VRK2: variants seen among roughly 807,000 people sequenced by gnomAD.
VRK2 encodes VRK serine/threonine kinase 2, also known as serine/threonine-protein kinase VRK2.
In VRK2, 60 loss-of-function variants were observed where a neutral mutation model predicts 57.6. That is an observed-to-expected ratio of 1.04 (90% confidence interval 0.85 to 1.29). The LOEUF (loss-of-function observed/expected upper bound fraction) is 1.29. Ranked by LOEUF, VRK2 falls within the 50% of genes most tolerant of loss-of-function variation. The pLI is 0.00. For synonymous variants in VRK2, 231 were observed against 199.2 expected, an observed-to-expected ratio of 1.16 and a Z score of -1.35; for missense variants, 705 against 588.1, an observed-to-expected ratio of 1.20 and a Z score of -2.06.
At chr2:58,003,928 T>G (rs992366941) in intron 1 of VRK2, among the ~76,000 whole-genome samples, 2 of 152,148 alleles carry the variant, frequency 1.3e-5, no homozygotes, top group Non-Finnish European at 2.9e-5. Flanking sequence ...TCCTATAGAT[T>G]GAATTCTTAG....
intron 1 of VRK2, among the ~76,000 whole-genome samples, chr2:57,977,310 G>C (rs1420328945): frequency 6.6e-6 from 1 of 152,128 alleles, no homozygotes; most frequent in African/African-American, 2.4e-5. Context: ...GCTTTGGGTA[G>C]TATGGCCATT....
chr2:57,960,195 C>G (rs1205183975), intron 1 of VRK2, among the ~76,000 whole-genome samples: 1 of 152,106 alleles, frequency 6.6e-6, no homozygotes, highest in African/African-American at 2.4e-5. Flanking sequence ...TCTCTAATAT[C>G]ATACAACCAA....
intron 8 of VRK2, among the ~76,000 whole-genome samples, chr2:58,131,360 A>C (rs1471484287): frequency 1.3e-5 from 2 of 151,276 alleles, no homozygotes; most frequent in African/African-American, 4.9e-5. Context: ...AAAGGCCATC[A>C]ATGTTTAGTC....
At chr2:58,032,774 G>A (rs953542567) in intron 2 of VRK2, among the ~76,000 whole-genome samples, 2 of 152,108 alleles carry the variant, frequency 1.3e-5, no homozygotes, top group African/African-American at 4.8e-5. Flanking sequence ...GCTTTTTGCA[G>A]TCTCTCTGCT....
At chr2:57,958,470 TACAC>T (rs971956378) in intron 1 of VRK2, among the ~76,000 whole-genome samples, 7 of 151,546 alleles carry the variant, frequency 4.6e-5, no homozygotes, top group South Asian at 2.1e-4. Flanking sequence ...CATGTATATA[TACAC>T]ACACACATAT....
intron 2 of VRK2, among the ~76,000 whole-genome samples, chr2:58,082,559 A>G (rs1671038108): frequency 6.6e-6 from 1 of 151,846 alleles, no homozygotes. Context: ...GGGTGGGAAC[A>G]AAGGTTTTCT....
chr2:57,961,547 G>A (rs1183562868), intron 1 of VRK2, among the ~76,000 whole-genome samples: 2 of 151,914 alleles, frequency 1.3e-5, no homozygotes, highest in East Asian at 3.9e-4. Flanking sequence ...TAACCACCAT[G>A]CTATACTGAT....
At chr2:58,056,169 G>C (rs888218077) in intron 2 of VRK2, among the ~76,000 whole-genome samples, 3 of 151,402 alleles carry the variant, frequency 2.0e-5, no homozygotes, top group Non-Finnish European at 2.9e-5. Context: ...TTACAGGAAT[G>C]CCTGTAAGAC....
intron 7 of VRK2, among the ~76,000 whole-genome samples, chr2:58,122,755 A>G (rs1371526414): frequency 1.3e-5 from 2 of 152,200 alleles, no homozygotes; most frequent in Non-Finnish European, 2.9e-5. Flanking sequence ...GGTTACAGGA[A>G]AAAGCAGAGC....
intron 7 of VRK2, among the ~76,000 whole-genome samples, chr2:58,090,858 A>T (rs1388169016): frequency 6.6e-6 from 1 of 152,228 alleles, no homozygotes; most frequent in African/African-American, 2.4e-5. Context: ...AGATAATGGA[A>T]TATTATTCAT....
intron 1 of VRK2, among the ~76,000 whole-genome samples, chr2:58,014,267 G>C (rs1303245423): frequency 1.3e-5 from 2 of 152,218 alleles, no homozygotes; most frequent in East Asian, 3.9e-4. Flanking sequence ...TTGTGCATTG[G>C]TCAAGAGTAA....
At chr2:57,998,722 A>G (rs538806322) in intron 1 of VRK2, among the ~76,000 whole-genome samples, 21 of 152,286 alleles carry the variant, frequency 1.4e-4, no homozygotes, top group African/African-American at 5.1e-4. Context: ...AGAATAAGAG[A>G]CCTAAAATAA....
At chr2:57,919,050 T>C (rs1670249351) in intron 1 of VRK2, among the ~76,000 whole-genome samples, 1 of 152,130 alleles carries the variant, frequency 6.6e-6, no homozygotes, top group African/African-American at 2.4e-5. Flanking sequence ...TTGCAAAGTA[T>C]AAAAATACTT....
rs568608271 is a variant in VRK2 at position 57,976,301 on chromosome 2, T to C, written c.-438-49364T>C. 3.2e-4 allele frequency among the ~76,000 whole-genome samples: 49 copies of C among 152,278 alleles called. 1 individual carries two copies. The highest frequency in any genetic ancestry group is 1.2e-3 in the South Asian group (6 of 4,824). On this transcript the variant is annotated intron_variant, in intron 1 of 15. Transcript: ENST00000417641. The stretch of plus-strand genomic sequence containing the variant: ...GTAATGGAATTGCTGGGTCAAGTGG[T>C]AGTTCTGTTTTAAGTTCTTTGAGAA...
intron 1 of VRK2, among the ~76,000 whole-genome samples, chr2:57,972,240 T>TTTTGTTTG (rs70954873): frequency 3.5e-4 from 53 of 150,434 alleles, no homozygotes; most frequent in Middle Eastern, 3.4e-3. Context: ...GAAACATGTT[T>TTTTGTTTG]TTTGTTTGTT....
chr2:58,075,434 C>G (rs1367033398), intron 2 of VRK2, among the ~76,000 whole-genome samples: 4 of 152,058 alleles, frequency 2.6e-5, no homozygotes, highest in African/African-American at 9.7e-5. Context: ...AATAGTATTT[C>G]TATTTTAAGT....
upstream of VRK2, among the ~76,000 whole-genome samples, chr2:58,041,911 C>G (rs933055299): frequency 6.6e-6 from 1 of 152,130 alleles, no homozygotes; most frequent in South Asian, 2.1e-4. Flanking sequence ...GGAACTCCCC[C>G]CTCCTACCCC....
At chr2:58,091,614 A>C (rs2104249755) in intron 7 of VRK2, among the ~76,000 whole-genome samples, 1 of 152,164 alleles carries the variant, frequency 6.6e-6, no homozygotes, top group East Asian at 1.9e-4. Context: ...TTTCTTAATA[A>C]AAATTTTTTC....
At chr2:58,057,384 C>T (rs1436893706) in intron 2 of VRK2, among the ~76,000 whole-genome samples, 2 of 152,070 alleles carry the variant, frequency 1.3e-5, no homozygotes, top group Admixed American at 6.5e-5. Flanking sequence ...TTTTAAAATA[C>T]AAGAAGCTGT....
Sources: allele counts gnomAD v4.1 joint callset (sites outside exome capture counted in the v4.1 genomes callset), GRCh38; gene constraint gnomAD v4.1.1; transcripts MANE v1.5; gene names NCBI Gene and HGNC (gene_info 2026-07-23, HGNC 2026-07-21).